Variants in PKHD1 observed in about 807,000 individuals in gnomAD.
PKHD1 encodes fibrocystin.
A neutral mutation model predicts 412.0 loss-of-function variants in PKHD1; 291 were observed. The observed-to-expected ratio is 0.71, with a 90% confidence interval of 0.64 to 0.78. The LOEUF (loss-of-function observed/expected upper bound fraction) is 0.78. PKHD1 is among the 30% of genes least tolerant of loss of function. The probability of loss-of-function intolerance (pLI) is 0.00; values close to 1 mark genes in which losing one functional copy is unlikely to be tolerated. For synonymous variants in PKHD1, 1,777 were observed against 1,821.5 expected, an observed-to-expected ratio of 0.98 and a Z score of 0.62; for missense variants, 4,825 against 4,950.7, an observed-to-expected ratio of 0.97 and a Z score of 0.76.
chr6:51,840,159 C>T (rs184139632), intron 50 of PKHD1, among the ~76,000 whole-genome samples: 4 of 152,248 alleles, frequency 2.6e-5, no homozygotes, highest in Admixed American at 2.6e-4. Context: ...TCCTCAGAAG[C>T]TGACCTCTTT....
chr6:52,080,147 T>A, intron 4 of PKHD1, 139 bp from the exon 5 acceptor site: 1 of 686,366 alleles, frequency 1.5e-6, no homozygotes, highest in South Asian at 1.5e-5. Context: ...ACCTTTCACC[T>A]CTTTGATCCA....
rs1776940131 is a variant in PKHD1, at chr6:51,683,243, C to A, written c.10157-23274G>T. Among the ~76,000 whole-genome samples the A allele has an allele frequency of 2.0e-5, 3 of 152,004 alleles. No homozygotes were observed. In the South Asian group the frequency reaches 6.2e-4, roughly 32 times the overall value. On this transcript the variant is annotated intron_variant, in intron 60 of 66. Transcript: ENST00000371117. ...TCCTGAAAACTGATGTATCATAATT[C>A]AGCAAGGTGAGCAAATTTTAAGGAC...
At chr6:51,987,672 T>G (rs1042093322) in intron 35 of PKHD1, among the ~76,000 whole-genome samples, 1 of 151,054 alleles carries the variant, frequency 6.6e-6, no homozygotes, top group Non-Finnish European at 1.5e-5. Context: ...GAATCTCCAG[T>G]CAAAAGGTGA....
chr6:51,674,311 G>A (rs924320865), intron 60 of PKHD1, among the ~76,000 whole-genome samples: 1 of 152,152 alleles, frequency 6.6e-6, no homozygotes, highest in Non-Finnish European at 1.5e-5. Context: ...GCTTGGAAGT[G>A]GGACAGGCCA....
At chr6:51,868,460 A>G (rs1775438522) in intron 47 of PKHD1, among the ~76,000 whole-genome samples, 2 of 151,740 alleles carry the variant, frequency 1.3e-5, no homozygotes, top group African/African-American at 4.8e-5. Context: ...GGGAGCTGGC[A>G]GTGCTACTGG....
intron 52 of PKHD1, among the ~76,000 whole-genome samples, chr6:51,813,665 T>C (rs149408361): frequency 8.5e-5 from 13 of 152,288 alleles, no homozygotes; most frequent in Non-Finnish European, 1.6e-4. Flanking sequence ...AATTCTGGTA[T>C]GGTCCTTATT....
chr6:51,865,748 GC>G (rs1583103188), intron 48 of PKHD1, among the ~76,000 whole-genome samples: 1 of 152,190 alleles, frequency 6.6e-6, no homozygotes, highest in Non-Finnish European at 1.5e-5. Flanking sequence ...TAGGGTGCTT[GC>G]CCCAGGGCAA....
chr6:51,848,701 T>C (rs539093142), intron 49 of PKHD1, among the ~76,000 whole-genome samples: 6 of 152,116 alleles, frequency 3.9e-5, no homozygotes, highest in Non-Finnish European at 8.8e-5. Context: ...GGAGAGAAGA[T>C]CAAAAGTGAT....
At chr6:51,714,039 C>CAT (rs1780956482) in intron 60 of PKHD1, among the ~76,000 whole-genome samples, 1 of 152,082 alleles carries the variant, frequency 6.6e-6, no homozygotes, top group Non-Finnish European at 1.5e-5. Context: ...CTATGCTCTT[C>CAT]CTCATCATAG....
chr6:52,064,324 AGTGCTCCAGTATT>A (rs1489892725), intron 13 of PKHD1, among the ~76,000 whole-genome samples: 1 of 152,206 alleles, frequency 6.6e-6, no homozygotes, highest in Non-Finnish European at 1.5e-5. Flanking sequence ...TCAGCAGAAA[AGTGCTCCAGTATT>A]GTGCTCTTAA....
chr6:51,654,843 A>C lies in PKHD1; in HGVS notation c.11174+4109T>G, dbSNP rs193146825. On this transcript the variant is annotated intron_variant, in intron 61 of 66. Coordinates refer to ENST00000371117, the MANE Select transcript of PKHD1 (RefSeq NM_138694.4). Reference sequence around the variant, plus strand: ...TTAATGATGACCATGAATCGTCATAACAAATGTGAACAGTCTACATTATTT... The same window carrying C: ...TTAATGATGACCATGAATCGTCATACCAAATGTGAACAGTCTACATTATTT... Among the ~76,000 whole-genome samples the C allele has an allele frequency of 8.2e-4, 125 of 152,260 alleles. 1 individual carries two copies. The highest frequency in any genetic ancestry group is 4.3e-4 in the Non-Finnish European group (29 of 68,006).
intron 36 of PKHD1, among the ~76,000 whole-genome samples, chr6:51,938,799 C>T (rs1370061344): frequency 3.3e-5 from 5 of 151,678 alleles, no homozygotes; most frequent in African/African-American, 1.2e-4. Flanking sequence ...GTCCTCAGAC[C>T]AAGGAACATC....
At chr6:52,046,261 A>T in intron 23 of PKHD1, 73 bp from the exon 24 acceptor site, 1 of 1,135,748 alleles carries the variant, frequency 8.8e-7, no homozygotes, top group South Asian at 1.2e-5. Context: ...ATCCTCAAGG[A>T]TAACACGATA....
At position 52,028,123 on chromosome 6, in the gene PKHD1, C is replaced by T. The variant is rs930626592; in HGVS notation, c.3560+33G>A. 6 of 1,599,816 alleles carry T rather than the reference C, an allele frequency of 3.8e-6. 1 individual carries two copies. The South Asian group carries it at 4.4e-5, about 12-fold the overall frequency. On this transcript the variant is annotated intron_variant, in intron 30 of 66. Transcript: ENST00000371117. ...CCTAGCTGAATGCTAGACCATCAAA[C>T]AAATCCAAAATTAATGCAAGTGGTC... is the stretch of plus-strand genomic sequence containing the variant.
intron 29 of PKHD1, among the ~76,000 whole-genome samples, 163 bp downstream of exon 29, chr6:52,032,866 TC>T (rs1165089399): frequency 6.6e-6 from 1 of 152,174 alleles, no homozygotes; most frequent in Non-Finnish European, 1.5e-5. Context: ...AAAGTAGATA[TC>T]AGGAGATTGA....
intron 46 of PKHD1, among the ~76,000 whole-genome samples, chr6:51,872,648 A>T (rs914479144): frequency 1.3e-5 from 2 of 152,116 alleles, no homozygotes; most frequent in Non-Finnish European, 2.9e-5. Context: ...ACCTCAGGTG[A>T]TCTGCACACC....
At chr6:51,874,480 G>A (rs1206723816) in intron 46 of PKHD1, among the ~76,000 whole-genome samples, 1 of 152,070 alleles carries the variant, frequency 6.6e-6, no homozygotes, top group Admixed American at 6.5e-5. Flanking sequence ...ACCAACACAC[G>A]TACAGGTATG....
chr6:51,974,640 T>C (rs1047660357), intron 35 of PKHD1, among the ~76,000 whole-genome samples: 1 of 152,164 alleles, frequency 6.6e-6, no homozygotes, highest in African/African-American at 2.4e-5. Flanking sequence ...CACTCATATG[T>C]AGGAGCTAAG....
intron 35 of PKHD1, among the ~76,000 whole-genome samples, chr6:52,008,363 T>G (rs1291049093): frequency 6.6e-6 from 1 of 152,192 alleles, no homozygotes; most frequent in Non-Finnish European, 1.5e-5. Flanking sequence ...TTTTGAAACT[T>G]AACTACTTCC....
Sources: allele counts gnomAD v4.1 joint callset (sites outside exome capture counted in the v4.1 genomes callset), GRCh38; gene constraint gnomAD v4.1.1; transcripts MANE v1.5; gene names NCBI Gene and HGNC (gene_info 2026-07-23, HGNC 2026-07-21).